Variants in ZC3H7A observed in about 807,000 individuals in gnomAD.
ZC3H7A encodes the protein zinc finger CCCH-type containing 7A.
A neutral mutation model predicts 125.5 loss-of-function variants in ZC3H7A; 44 were observed. The observed-to-expected ratio is 0.35, with a 90% CI of 0.28 to 0.45. The LOEUF (loss-of-function observed/expected upper bound fraction) is 0.45, where lower values mean the gene tolerates loss of function less well. Among genes scored for constraint, ZC3H7A ranks in the 20% least tolerant of loss-of-function variants. The pLI is 1.00. For synonymous variants in ZC3H7A, 399 were observed against 391.2 expected (o/e 1.02, Z -0.23); for missense variants, 977 against 1,170.7 (o/e 0.83, Z 2.41).
intron 11 of ZC3H7A, 32 bp downstream of exon 11, chr16:11,768,999 G>C (rs375104594): frequency 1.9e-6 from 3 of 1,568,918 alleles, no homozygotes; most frequent in Non-Finnish European, 2.6e-6. Context: ...CAATTCAAGC[G>C]ATGTATTTAC....
intron 1 of ZC3H7A, among the ~76,000 whole-genome samples, chr16:11,787,173 G>T (rs1400518204): frequency 6.6e-6 from 1 of 152,056 alleles, no homozygotes; most frequent in Admixed American, 6.6e-5. Flanking sequence ...GTGGTGGTAC[G>T]TGCCTGTAGT....
chr16:11,791,621 G>C (rs937331667), intron 1 of ZC3H7A, among the ~76,000 whole-genome samples: 1 of 152,296 alleles, frequency 6.6e-6, no homozygotes, highest in Admixed American at 6.5e-5. Context: ...ACAAAGTTCA[G>C]AGGCCCAGGA....
intron 9 of ZC3H7A, 68 bp downstream of exon 9, chr16:11,774,168 A>G: frequency 7.1e-7 from 1 of 1,408,116 alleles, no homozygotes; most frequent in Non-Finnish European, 9.4e-7. Flanking sequence ...AAGTCTATCA[A>G]GTTATATTAC....
intron 1 of ZC3H7A, among the ~76,000 whole-genome samples, chr16:11,789,440 G>A (rs573022629): frequency 6.6e-6 from 1 of 152,134 alleles, no homozygotes; most frequent in African/African-American, 2.4e-5. Flanking sequence ...TTTTTGTAGA[G>A]ATGGGGTTTC....
chr16:11,766,823 C>A (rs1334449220), intron 13 of ZC3H7A, among the ~76,000 whole-genome samples: 1 of 152,134 alleles, frequency 6.6e-6, no homozygotes, highest in Non-Finnish European at 1.5e-5. Flanking sequence ...GCAGAGGTTG[C>A]AGTGAGCCGA....
At chr16:11,796,795 G>A (rs2053445619) in intron 1 of ZC3H7A, 2 of 151,920 alleles carry the variant, frequency 1.3e-5, no homozygotes, top group Non-Finnish European at 2.9e-5. Context: ...AGAGCAGACA[G>A]AAATAACCAA....
intron 1 of ZC3H7A, among the ~76,000 whole-genome samples, chr16:11,791,093 AC>A (rs1279695415): frequency 8.0e-6 from 1 of 125,304 alleles, no homozygotes; most frequent in Admixed American, 8.0e-5. Flanking sequence ...TTTAAAACAC[AC>A]ACACACACAC....
intron 17 of ZC3H7A, among the ~76,000 whole-genome samples, chr16:11,762,461 T>G (rs2052768559): frequency 6.6e-6 from 1 of 152,186 alleles, no homozygotes; most frequent in African/African-American, 2.4e-5. Context: ...AACAGTGTCC[T>G]ACACTCTTGG....
At position 11,752,743 on chromosome 16, in the gene ZC3H7A, C is replaced by G; in HGVS notation, c.2652G>C (p.Lys884Asn). 6.2e-7 allele frequency: 1 copy of G among 1,614,160 alleles called. No individual in the cohort carries two copies. Among genetic ancestry groups the G allele is most frequent in the Non-Finnish European group, 8.5e-7 (1 of 1,180,026 alleles). Residue 884 changes from lysine (K) to asparagine (N), a missense_variant, in exon 22 of 23, where the codon AAG becomes AAC. Lys to Asn is a moderately conservative substitution (Grantham distance 94). Around this residue, in one of 3 missense-constraint regions of ZC3H7A, gnomAD observed 436 missense variants for 603.2 expected, o/e 0.72. Transcript: ENST00000355758. ...GHISSEKHKE[K>N]VFHTEDDQYC... Reference sequence around the variant, plus strand: ...ACTGGTCGTCCTCGGTGTGGAAAACCTTCTCTTTGTGCTTCTCGGAGGAGA... The same window carrying G: ...ACTGGTCGTCCTCGGTGTGGAAAACGTTCTCTTTGTGCTTCTCGGAGGAGA...
At position 11,765,486 on chromosome 16, in the gene ZC3H7A, C is replaced by T. The variant is rs377038709; in HGVS notation, c.1719+3G>A. The T allele has an allele frequency of 4.7e-5, 75 of 1,607,016 alleles. No individual in the cohort carries two copies. The highest frequency in any genetic ancestry group is 5.4e-5 in the Non-Finnish European group (64 of 1,175,860). ...AGTGGAAAATAAGTTTTGGAGAACA[C>T]ACCTCACAAAGGAATATAAATTCCC... On this transcript the variant is annotated splice_donor_region_variant and intron_variant, in intron 14 of 22. Transcript: ENST00000355758. This position sits in a 1 kb window ranked among gnomAD's most constrained non-coding sequence, Gnocchi z 4.8.
intron 3 of ZC3H7A, among the ~76,000 whole-genome samples, chr16:11,781,182 C>A (rs77581697): frequency 0.015 from 2,219 of 152,196 alleles, 91 homozygotes; most frequent in Admixed American, 0.088. Context: ...GCTCCATGGG[C>A]CATATGGTCT....
chr16:11,756,599 A>G (rs558242051), intron 20 of ZC3H7A, among the ~76,000 whole-genome samples: 7 of 152,326 alleles, frequency 4.6e-5, no homozygotes, highest in African/African-American at 1.7e-4. Context: ...AGTTCTCAGG[A>G]TTAATTAACC....
At chr16:11,771,072 C>A in intron 9 of ZC3H7A, 85 bp from the exon 10 acceptor site, 2 of 1,267,522 alleles carry the variant, frequency 1.6e-6, no homozygotes, top group Admixed American at 2.3e-5. Context: ...CAAATAAAAG[C>A]ATTATTACAC....
At chr16:11,775,858 T>G (rs1333957637) in intron 7 of ZC3H7A, among the ~76,000 whole-genome samples, 1 of 152,156 alleles carries the variant, frequency 6.6e-6, no homozygotes, top group Non-Finnish European at 1.5e-5. Context: ...GATGTTCTTT[T>G]GTAAAGTGAC....
intron 10 of ZC3H7A, among the ~76,000 whole-genome samples, chr16:11,769,784 CTTTTTTTTT>C (rs200241879): frequency 3.1e-4 from 19 of 61,614 alleles, no homozygotes; most frequent in Non-Finnish European, 3.6e-4. Context: ...CAATTGCTTT[CTTTTTTTTT>C]TTTTTTTTTT....
At chr16:11,776,186 G>T in intron 7 of ZC3H7A, 134 bp downstream of exon 7, 1 of 792,470 alleles carries the variant, frequency 1.3e-6, no homozygotes, top group Non-Finnish European at 2.0e-6. Flanking sequence ...GTGACAGGAG[G>T]GTATTGCCAA....
At chr16:11,784,901 G>A (rs147415380) in intron 1 of ZC3H7A, among the ~76,000 whole-genome samples, 7,295 of 148,666 alleles carry the variant, frequency 0.049, 262 homozygotes, top group Middle Eastern at 0.11. Context: ...GCTCATGCCT[G>A]TAATCCCAGC....
At chr16:11,756,661 T>C (rs1014286793) in intron 20 of ZC3H7A, among the ~76,000 whole-genome samples, 3 of 152,166 alleles carry the variant, frequency 2.0e-5, no homozygotes, top group African/African-American at 7.2e-5. Context: ...CAGAAACCAT[T>C]ATAAACAGTA....
chr16:11,764,487 T>G (rs1399180696), intron 15 of ZC3H7A, among the ~76,000 whole-genome samples: 4 of 152,142 alleles, frequency 2.6e-5, no homozygotes, highest in African/African-American at 9.7e-5. Context: ...AGGCGGAGGT[T>G]GCAGTGAGCT....
Sources: allele counts gnomAD v4.1 joint callset (sites outside exome capture counted in the v4.1 genomes callset), GRCh38; gene constraint gnomAD v4.1.1; regional missense constraint gnomAD v4.1.1; non-coding constraint Gnocchi (gnomAD v3.1); transcripts MANE v1.5; gene names NCBI Gene and HGNC (gene_info 2026-07-23, HGNC 2026-07-21).